FAT4: variants seen among roughly 807,000 people sequenced by gnomAD.
FAT4 encodes the protein FAT atypical cadherin 4.
Under a neutral mutation model 303.9 loss-of-function variants are expected in FAT4, and 84 were observed. That is an observed-to-expected ratio of 0.28 (90% CI 0.23 to 0.33). The LOEUF is 0.33. Among genes scored for constraint, FAT4 ranks in the 10% least tolerant of loss-of-function variants. The probability of loss-of-function intolerance (pLI) is 1.00; values close to 1 mark genes in which losing one functional copy is unlikely to be tolerated. For synonymous variants in FAT4, 2,307 were observed against 2,298.8 expected (o/e 1.00, Z -0.10); for missense variants, 6,005 against 6,146.8 (o/e 0.98, Z 0.77).
intron 7 of FAT4, among the ~76,000 whole-genome samples, chr4:125,430,157 T>A (rs1725235149): frequency 2.8e-5 from 4 of 143,852 alleles, no homozygotes. Context: ...ACTTAAAGTA[T>A]AAAAAAAAAA....
intron 2 of FAT4, among the ~76,000 whole-genome samples, chr4:125,346,523 G>C (rs1732010532): frequency 6.7e-6 from 1 of 149,730 alleles, no homozygotes; most frequent in South Asian, 2.1e-4. Context: ...ATAGAGCCTT[G>C]AATTTTTTTT....
At chr4:125,476,904 G>A (rs1406980751) in intron 13 of FAT4, among the ~76,000 whole-genome samples, 2 of 151,972 alleles carry the variant, frequency 1.3e-5, no homozygotes, top group African/African-American at 4.8e-5. Context: ...TGTTGACTCA[G>A]TATTGTGATA....
chr4:125,402,047 G>A (rs767808365), intron 3 of FAT4, among the ~76,000 whole-genome samples: 36 of 151,238 alleles, frequency 2.4e-4, no homozygotes, highest in Non-Finnish European at 4.9e-4. Context: ...ATTACTCTTG[G>A]CCAGATATTT....
chr4:125,419,776 G>C (rs1373997535), intron 7 of FAT4, among the ~76,000 whole-genome samples: 1 of 152,088 alleles, frequency 6.6e-6, no homozygotes, highest in Non-Finnish European at 1.5e-5. Context: ...TCTGCATTTA[G>C]TATCATCACA....
intron 7 of FAT4, among the ~76,000 whole-genome samples, chr4:125,419,025 C>T (rs1473989230): frequency 2.0e-5 from 3 of 152,112 alleles, no homozygotes; most frequent in African/African-American, 4.8e-5. Flanking sequence ...TAGTTAAATA[C>T]ATAGACTTTA....
rs1730556474 is a variant in FAT4 at position 125,315,802 on chromosome 4, G to A, written c.-188G>A. Among the ~76,000 whole-genome samples, 1 of 152,200 alleles carries A rather than the reference G, an allele frequency of 6.6e-6. No individual in the cohort carries two copies. The highest frequency in any genetic ancestry group is 1.9e-4 in the East Asian group (1 of 5,158). On this transcript the variant is annotated 5_prime_UTR_variant, in exon 1 of 18. Coordinates refer to ENST00000394329, the MANE Select transcript of FAT4 (RefSeq NM_001291303.3). ...CGCCTGGGCCTCAGCGGCCACTGCC[G>A]GCGCCCTGTTGGAGGGGCGTTGCAG...
chr4:125,333,153 T>G (rs566148195), intron 2 of FAT4, among the ~76,000 whole-genome samples: 1 of 151,992 alleles, frequency 6.6e-6, no homozygotes, highest in Non-Finnish European at 1.5e-5. Flanking sequence ...CAGATATATG[T>G]AATTTAGGTA....
intron 7 of FAT4, 81 bp from the exon 8 acceptor site, chr4:125,434,164 A>T (rs1429784309): frequency 1.5e-6 from 2 of 1,292,748 alleles, no homozygotes; most frequent in Non-Finnish European, 2.1e-6. Context: ...TCTCTTTAGT[A>T]ATTCTGTCTA....
chr4:125,315,706 G>A lies in FAT4; in HGVS notation c.-284G>A, dbSNP rs1244048498. 2.0e-5 allele frequency among the ~76,000 whole-genome samples: 3 copies of A among 152,150 alleles called. No individual in the cohort carries two copies. The highest frequency in any genetic ancestry group is 2.9e-5 in the Non-Finnish European group (2 of 68,018). ...GAAGGGGCAGAGTTGAGCGCTCCCG[G>A]GTACGGGAGCCAGAGCGCGAACGCT... On this transcript the variant is annotated 5_prime_UTR_variant, in exon 1 of 18. Transcript: ENST00000394329.
At chr4:125,443,318 A>G (rs1725722167) in intron 8 of FAT4, among the ~76,000 whole-genome samples, 1 of 152,158 alleles carries the variant, frequency 6.6e-6, no homozygotes, top group East Asian at 1.9e-4. Context: ...TTTTCATTGA[A>G]CTAAATGTGA....
intron 12 of FAT4, among the ~76,000 whole-genome samples, chr4:125,470,379 C>G (rs78712130): frequency 0.023 from 3,452 of 152,270 alleles, 44 homozygotes; most frequent in Non-Finnish European, 0.034. Flanking sequence ...TCCTTTGAAG[C>G]TTTTAACCCA....
intron 8 of FAT4, among the ~76,000 whole-genome samples, chr4:125,435,752 T>C (rs10006602): frequency 0.99 from 150,664 of 152,174 alleles, 74,597 homozygotes; most frequent in East Asian, 1. Context: ...AGGCCATATA[T>C]GTCACGATAC....
chr4:125,467,496 T>TGGCA (rs1726707153), intron 11 of FAT4, among the ~76,000 whole-genome samples: 1 of 152,226 alleles, frequency 6.6e-6, no homozygotes, highest in Non-Finnish European at 1.5e-5. Context: ...AAAAGAATTT[T>TGGCA]GGCATAACAT....
At chr4:125,382,278 C>T (rs970804110) in intron 2 of FAT4, among the ~76,000 whole-genome samples, 1 of 152,112 alleles carries the variant, frequency 6.6e-6, no homozygotes, top group Non-Finnish European at 1.5e-5. Context: ...GCAGCTATAG[C>T]CTTACAAGAT....
At chr4:125,346,102 T>C (rs1731990184) in intron 2 of FAT4, among the ~76,000 whole-genome samples, 1 of 152,114 alleles carries the variant, frequency 6.6e-6, no homozygotes, top group Admixed American at 6.6e-5. Context: ...AATAAAGTCA[T>C]TTGAAGTTCA....
At chr4:125,462,281 A>C (rs894013309) in intron 10 of FAT4, among the ~76,000 whole-genome samples, 2 of 151,952 alleles carry the variant, frequency 1.3e-5, no homozygotes, top group Non-Finnish European at 2.9e-5. Flanking sequence ...AGTATGATGA[A>C]ATGAAGTATC....
intron 8 of FAT4, among the ~76,000 whole-genome samples, chr4:125,437,286 G>A (rs1292155879): frequency 6.6e-6 from 1 of 152,140 alleles, no homozygotes; most frequent in Non-Finnish European, 1.5e-5. Context: ...ACACTTTAAA[G>A]GTAGGTTTAG....
chr4:125,361,602 G>A (rs1439775217), intron 2 of FAT4, among the ~76,000 whole-genome samples: 1 of 152,088 alleles, frequency 6.6e-6, no homozygotes, highest in Admixed American at 6.6e-5. Flanking sequence ...GGGAGGATAG[G>A]CAACCAAACA....
At chr4:125,454,216 CAA>C (rs1224742729) in intron 10 of FAT4, among the ~76,000 whole-genome samples, 1 of 152,122 alleles carries the variant, frequency 6.6e-6, no homozygotes, top group Non-Finnish European at 1.5e-5. Context: ...GTTATATTTT[CAA>C]AAGTGTCCAT....
Sources: allele counts gnomAD v4.1 joint callset (sites outside exome capture counted in the v4.1 genomes callset), GRCh38; gene constraint gnomAD v4.1.1; transcripts MANE v1.5; gene names NCBI Gene and HGNC (gene_info 2026-07-23, HGNC 2026-07-21).